The following ATF3 variants were observed in gnomAD, a reference collection of about 807,000 sequenced individuals.
ATF3 encodes the protein cyclic AMP-dependent transcription factor ATF-3.
A neutral mutation model predicts 18.4 loss-of-function variants in ATF3; 10 were observed. That is an observed-to-expected ratio of 0.54 (90% CI 0.34 to 0.92). The LOEUF (loss-of-function observed/expected upper bound fraction) is 0.92, where lower values mean the gene tolerates loss of function less well. Among genes scored for constraint, ATF3 ranks in the 40% least tolerant of loss-of-function variants. The pLI is 0.02. For synonymous variants in ATF3, 78 were observed against 87.9 expected, an observed-to-expected ratio of 0.89 and a Z score of 0.63; for missense variants, 183 against 222.3, an observed-to-expected ratio of 0.82 and a Z score of 1.12.
At chr1:212,617,946 CGTGTGTGT>C (rs3839030) in intron 2 of ATF3, among the ~76,000 whole-genome samples, 173 bp from the exon 3 acceptor site, 2 of 150,232 alleles carry the variant, frequency 1.3e-5, no homozygotes, top group African/African-American at 4.9e-5. Flanking sequence ...TGTGTGTGTG[CGTGTGTGT>C]GTGTGTGTGT....
At chr1:212,593,238 A>G (rs1450075531) in intron 1 of ATF3, among the ~76,000 whole-genome samples, 1 of 146,928 alleles carries the variant, frequency 6.8e-6, no homozygotes, top group African/African-American at 2.5e-5. Context: ...GGAATTGAAC[A>G]GTGAGAACAC....
Position 212,609,386 on chromosome 1 carries a change from G to C in ATF3, c.-5+456G>C, listed in dbSNP as rs796722514. Among the ~76,000 whole-genome samples, 22 of 142,202 alleles carry C rather than the reference G, an allele frequency of 1.5e-4. 1 individual carries two copies. Among genetic ancestry groups the C allele is most frequent in the African/African-American group, 4.8e-4 (19 of 39,714 alleles). 93.3% of individuals were successfully genotyped at this position (142,202 alleles called of 152,430 possible). A position where few individuals can be genotyped will look rare whatever the true frequency, so the allele number is the denominator to read the frequency against. ...CGATCCTTCCCGGGTGGGGGGGGGG[G>C]GGCGCAGAGAGGCACGAAGGCCGGA... On this transcript the variant is annotated intron_variant, in intron 1 of 3. Transcript: ENST00000341491.
intron 1 of ATF3, among the ~76,000 whole-genome samples, chr1:212,591,709 ACC>A (rs1664889249): frequency 6.6e-6 from 1 of 152,190 alleles, no homozygotes; most frequent in Non-Finnish European, 1.5e-5. Flanking sequence ...ATCCTCATAT[ACC>A]TGAAATCCAG....
intron 1 of ATF3, among the ~76,000 whole-genome samples, chr1:212,595,368 A>G (rs894652428): frequency 6.6e-6 from 1 of 152,190 alleles, no homozygotes; most frequent in Non-Finnish European, 1.5e-5. Context: ...TGGCAACCTC[A>G]GCAGCCCCAG....
chr1:212,611,921 C>A (rs757543483), intron 1 of ATF3, among the ~76,000 whole-genome samples: 1 of 152,192 alleles, frequency 6.6e-6, no homozygotes, highest in African/African-American at 2.4e-5. Flanking sequence ...AAAGTCAACT[C>A]TGATCTGAGG....
chr1:212,619,058 T>C lies in ATF3; in HGVS notation c.349-300T>C. On this transcript the variant is annotated intron_variant, in intron 3 of 3. Coordinates refer to ENST00000341491, the MANE Select transcript of ATF3 (RefSeq NM_001674.4). The surrounding 1 kb of genome is among the most constrained non-coding windows in gnomAD (Gnocchi z 4.4). The stretch of plus-strand genomic sequence containing the variant: ...GATTTCTCCCCAGCTCCCAAGGCCC[T>C]TTTGGGTCCAGAAGACCTGCATATG... 1 of 1,614,102 alleles carries C rather than the reference T, an allele frequency of 6.2e-7. No homozygotes were observed. The highest frequency in any genetic ancestry group is 8.5e-7 in the Non-Finnish European group (1 of 1,179,998).
chr1:212,575,231 CT>C lies in ATF3; in HGVS notation c.-5+9751del, dbSNP rs1353526774. On this transcript the variant is annotated intron_variant, in intron 1 of 3. Coordinates refer to the ATF3 transcript ENST00000366981. ...TCTTCTTGTATTTTATTCAATAATA[CT>C]TTCATAGTTTTCTTCTTTGAGGTCT... Among the ~76,000 whole-genome samples, 4 of 151,936 alleles carry C rather than the reference CT, an allele frequency of 2.6e-5. No individual in the cohort carries two copies. In the East Asian group the frequency reaches 7.7e-4, roughly 29 times the overall value.
intron 1 of ATF3, among the ~76,000 whole-genome samples, chr1:212,575,333 A>C (rs1664554489): frequency 6.6e-6 from 1 of 152,060 alleles, no homozygotes; most frequent in African/African-American, 2.4e-5. Context: ...TTTTTCAATT[A>C]TATTTTCTAA....
chr1:212,614,388 A>G (rs1483825022), intron 1 of ATF3, among the ~76,000 whole-genome samples: 1 of 151,968 alleles, frequency 6.6e-6, no homozygotes, highest in Non-Finnish European at 1.5e-5. Flanking sequence ...GAAGAAACGC[A>G]CCTGGCTACA....
At chr1:212,605,094 A>T (rs1654583059), upstream of ATF3, among the ~76,000 whole-genome samples, 1 of 152,204 alleles carries the variant, frequency 6.6e-6, no homozygotes. Flanking sequence ...TTGATTCATA[A>T]TTAATTAATG....
chr1:212,600,983 A>G (rs912599551), intron 1 of ATF3, among the ~76,000 whole-genome samples: 1 of 152,186 alleles, frequency 6.6e-6, no homozygotes, highest in African/African-American at 2.4e-5. Flanking sequence ...CAGGTCAAGA[A>G]ATGCTCTTAT....
chr1:212,598,284 G>T (rs1340152978), intron 1 of ATF3, among the ~76,000 whole-genome samples: 1 of 151,852 alleles, frequency 6.6e-6, no homozygotes, highest in Non-Finnish European at 1.5e-5. Context: ...AGTTATGATT[G>T]TTCTGTGTTG....
rs531535639 is a variant in ATF3 at position 212,615,237 on chromosome 1, C to T, written c.216C>T (p.Leu72=). 9.4e-5 allele frequency: 151 copies of T among 1,613,990 alleles called. 1 individual carries two copies. The South Asian group carries it at 1.4e-3, about 15-fold the overall frequency. ...LESVTVSDRP[L]GVSITKAEVA... ...CAGTCACTGTCAGCGACAGACCCCT[C>T]GGGGTGTCCATCACAAAAGCCGAGG... Residue 72 remains leucine, a synonymous_variant, in exon 2 of 4, where the codon CTC becomes CTT. Coordinates refer to ENST00000341491, the MANE Select transcript of ATF3 (RefSeq NM_001674.4).
chr1:212,610,350 C>T (rs1385618995), intron 1 of ATF3, among the ~76,000 whole-genome samples: 3 of 152,182 alleles, frequency 2.0e-5, no homozygotes, highest in African/African-American at 7.2e-5. Context: ...ATCTTCTGTT[C>T]GAAGTTTCTG....
At chr1:212,572,461 G>A (rs1664502992) in intron 1 of ATF3, among the ~76,000 whole-genome samples, 1 of 152,210 alleles carries the variant, frequency 6.6e-6, no homozygotes, top group Non-Finnish European at 1.5e-5. Flanking sequence ...GGAGGTTGCA[G>A]TGAGCTGAGA....
chr1:212,585,262 C>T (rs1105899), intron 1 of ATF3, among the ~76,000 whole-genome samples: 13,012 of 152,248 alleles, frequency 0.085, 940 homozygotes, highest in East Asian at 0.3. Context: ...GCTGCTGGAG[C>T]CTCCTACCTG....
intron 1 of ATF3, among the ~76,000 whole-genome samples, chr1:212,612,943 A>AGG (rs1192703601): frequency 3.3e-5 from 5 of 152,200 alleles, no homozygotes; most frequent in Admixed American, 3.3e-4. Flanking sequence ...AATGTTTTCC[A>AGG]GGGCATATTC....
intron 1 of ATF3, among the ~76,000 whole-genome samples, chr1:212,586,071 G>A (rs1238655281): frequency 1.3e-5 from 2 of 152,156 alleles, no homozygotes; most frequent in Non-Finnish European, 2.9e-5. Context: ...GTGGGCAGGG[G>A]AGGTCCTGGC....
intron 1 of ATF3, among the ~76,000 whole-genome samples, chr1:212,579,387 C>T (rs2102625773): frequency 6.6e-6 from 1 of 152,256 alleles, no homozygotes; most frequent in Middle Eastern, 3.4e-3. Context: ...AAACTCTAAG[C>T]ACCACAAAGA....
Sources: gnomAD v4.1 joint callset for allele counts (sites outside exome capture counted in the v4.1 genomes callset) on GRCh38, gnomAD v4.1.1 for gene constraint, Gnocchi (gnomAD v3.1) non-coding constraint, MANE v1.5 for transcripts, NCBI Gene and HGNC (gene_info 2026-07-23, HGNC 2026-07-21) for gene names.